The following LANCL3 variants were observed in gnomAD, a reference collection of about 807,000 sequenced individuals.
The protein encoded by LANCL3 is LanC like family member 3, also known as lanC-like protein 3.
A neutral mutation model predicts 26.5 loss-of-function variants in LANCL3; 19 were observed. The ratio of observed to expected loss-of-function variants is 0.72; its 90% CI spans 0.50 to 1.05. LANCL3 has a LOEUF of 1.05. Among genes scored for constraint, LANCL3 ranks in the 50% least tolerant of loss-of-function variants. The pLI is 0.00. For synonymous variants in LANCL3, 160 were observed against 166.6 expected (o/e 0.96, Z 0.30); for missense variants, 318 against 362.7 (o/e 0.88, Z 1.00).
intron 1 of LANCL3, among the ~76,000 whole-genome samples, chrX:37,573,478 G>A (rs1230248381): frequency 1.8e-5 from 2 of 110,612 alleles, no homozygotes; most frequent in Non-Finnish European, 3.8e-5. Flanking sequence ...GGCAGACAGG[G>A]TTTTTTTTTA....
chrX:37,622,830 A>G (rs1556422487), intron 1 of LANCL3, among the ~76,000 whole-genome samples: 1 of 111,721 alleles, frequency 9.0e-6, no homozygotes, highest in African/African-American at 3.3e-5. Context: ...CTCTGTCTCC[A>G]TTACTGTACC....
intron 1 of LANCL3, among the ~76,000 whole-genome samples, chrX:37,653,532 C>A (rs1556429830): frequency 8.9e-6 from 1 of 112,096 alleles, no homozygotes; most frequent in Non-Finnish European, 1.9e-5. Flanking sequence ...AGGATAGAGT[C>A]CAATTAAGTG....
At chrX:37,648,431 C>G (rs1556427760) in intron 1 of LANCL3, among the ~76,000 whole-genome samples, 1 of 111,999 alleles carries the variant, frequency 8.9e-6, no homozygotes, top group Non-Finnish European at 1.9e-5. Flanking sequence ...AAACTGTACC[C>G]CTTCCTTACA....
At position 37,596,855 on chromosome X, in the gene LANCL3, G is replaced by A. The variant is rs575619017; in HGVS notation, c.573+24412G>A. Among the ~76,000 whole-genome samples, 111 of 111,558 alleles carry A rather than the reference G, an allele frequency of 9.9e-4. 1 individual carries two copies. In the South Asian group the frequency reaches 0.036, roughly 37 times the overall value. Reference sequence around the variant, plus strand: ...AACTTATATATCATACAATTCACCCGTTTAAAATATACAGTTCAATGGTTT... The same window carrying A: ...AACTTATATATCATACAATTCACCCATTTAAAATATACAGTTCAATGGTTT... On this transcript the variant is annotated intron_variant, in intron 1 of 4. Coordinates refer to ENST00000378619, the MANE Select transcript of LANCL3 (RefSeq NM_001170331.2).
intron 1 of LANCL3, among the ~76,000 whole-genome samples, chrX:37,655,309 A>G (rs1187805189): frequency 4.5e-5 from 5 of 112,136 alleles, no homozygotes; most frequent in Non-Finnish European, 7.5e-5. Flanking sequence ...CCTACACTGT[A>G]CACCAGGAGT....
chrX:37,596,100 A>C (rs997996583), intron 1 of LANCL3, among the ~76,000 whole-genome samples: 2 of 112,245 alleles, frequency 1.8e-5, no homozygotes, highest in African/African-American at 6.5e-5. Context: ...AGACACCTGA[A>C]GAAATAATTA....
intron 1 of LANCL3, among the ~76,000 whole-genome samples, chrX:37,573,167 A>G (rs1569460122): frequency 8.9e-6 from 1 of 112,504 alleles, no homozygotes; most frequent in African/African-American, 3.2e-5. Context: ...GGCTCCTAAA[A>G]GTGAATTGGT....
intron 4 of LANCL3, 136 bp downstream of exon 4, chrX:37,667,625 C>T: frequency 2.4e-6 from 1 of 409,507 alleles, no homozygotes. Context: ...ATGCAGTTGA[C>T]TTCCCTAGAG....
At chrX:37,669,512 G>C (rs1926630442) in intron 4 of LANCL3, among the ~76,000 whole-genome samples, 1 of 111,467 alleles carries the variant, frequency 9.0e-6, no homozygotes, top group African/African-American at 3.3e-5. Context: ...GTTCTCAAGA[G>C]ATCTTGTTGT....
At position 37,675,638 on chromosome X, in the gene LANCL3, TTTC is replaced by T. The variant is rs781945625; in HGVS notation, c.1104-8_1104-6del. On this transcript the variant is annotated splice_polypyrimidine_tract_variant and intron_variant, in intron 4 of 4. Transcript: ENST00000378619. ...AACACTCATGTTAAACTGTTCATAT[TTTC>T]TTCTTCTCTTAGGTTTGCTCAATTC... The T allele has an allele frequency of 6.5e-6, 7 of 1,077,552 alleles. No individual in the cohort carries two copies. Among genetic ancestry groups the T allele is most frequent in the African/African-American group, 1.9e-5 (1 of 52,846 alleles). 88.8% of individuals were successfully genotyped at this position (1,077,552 alleles called of 1,213,427 possible).
At chrX:37,586,874 G>A (rs782624129) in intron 1 of LANCL3, among the ~76,000 whole-genome samples, 1 of 73,338 alleles carries the variant, frequency 1.4e-5, no homozygotes, top group Non-Finnish European at 2.1e-5. Context: ...AGAGGCGCTC[G>A]ATTTTTAGAA....
chrX:37,592,865 C>G (rs1332202624), intron 1 of LANCL3, among the ~76,000 whole-genome samples: 1 of 111,118 alleles, frequency 9.0e-6, no homozygotes, highest in South Asian at 3.8e-4. Context: ...AAGAGACCCA[C>G]CAGCATATTG....
Position 37,599,196 on chromosome X carries a change from G to C in LANCL3, c.573+26753G>C, listed in dbSNP as rs151210956. Among the ~76,000 whole-genome samples, 1,118 of 111,901 alleles carry C rather than the reference G, an allele frequency of 1.0e-2. 6 individuals carry two copies. The highest frequency in any genetic ancestry group is 0.034 in the African/African-American group (1,058 of 30,798). ...TGAACAATTAGACTGAGTAATTAGA[G>C]TGAGTTTTCTCCGGTAATTTCTCTG... On this transcript the variant is annotated intron_variant, in intron 1 of 4. Transcript: ENST00000378619.
rs1426828893 is a variant in LANCL3 at position 37,681,436 on chromosome X, T to G, written c.*5623T>G. On this transcript the variant is annotated 3_prime_UTR_variant, in exon 5 of 5. Coordinates refer to ENST00000378619, the MANE Select transcript of LANCL3 (RefSeq NM_001170331.2). ...ACAGTCCCATTCCTGTTTCCTAGTA[T>G]TGATAAAGTCTTCCTACCTTCCTTC... 1 of 111,880 alleles carries G rather than the reference T, an allele frequency of 8.9e-6. No homozygotes were observed. The highest frequency in any genetic ancestry group is 2.8e-4 in the East Asian group (1 of 3,578). 9.2% of individuals were successfully genotyped at this position (111,880 alleles called of 1,213,427 possible). A position where few individuals can be genotyped will look rare whatever the true frequency, so the allele number is the denominator to read the frequency against.
chrX:37,628,950 T>G (rs1925397268), intron 1 of LANCL3, among the ~76,000 whole-genome samples: 1 of 111,058 alleles, frequency 9.0e-6, no homozygotes. Flanking sequence ...TATAGTCCTT[T>G]GGGTGTATGC....
chrX:37,585,455 A>T (rs1462972285), intron 1 of LANCL3, among the ~76,000 whole-genome samples: 9 of 111,496 alleles, frequency 8.1e-5, no homozygotes, highest in Non-Finnish European at 1.3e-4. Flanking sequence ...GTCTCTAAGG[A>T]CTTGCTTTAT....
intron 1 of LANCL3, among the ~76,000 whole-genome samples, chrX:37,653,254 G>C (rs896322403): frequency 1.8e-5 from 2 of 110,475 alleles, no homozygotes; most frequent in African/African-American, 6.6e-5. Context: ...TTTTTTTCTG[G>C]GTTAAAAATA....
chrX:37,666,844 A>C (rs1485418175), intron 3 of LANCL3, among the ~76,000 whole-genome samples: 2 of 112,570 alleles, frequency 1.8e-5, no homozygotes, highest in African/African-American at 6.4e-5. Context: ...TACAAATTTT[A>C]AACTACAAAT....
chrX:37,584,277 C>A (rs1923994698), intron 1 of LANCL3, among the ~76,000 whole-genome samples: 1 of 107,653 alleles, frequency 9.3e-6, no homozygotes, highest in African/African-American at 3.6e-5. Flanking sequence ...GTCTAAAATT[C>A]TCTTTTCTTG....
Sources: allele counts gnomAD v4.1 joint callset (sites outside exome capture counted in the v4.1 genomes callset), GRCh38; gene constraint gnomAD v4.1.1; transcripts MANE v1.5; gene names NCBI Gene and HGNC (gene_info 2026-07-23, HGNC 2026-07-21).